Variants in MLPH observed in about 807,000 individuals in gnomAD.
MLPH encodes the protein melanophilin.
Under a neutral mutation model 72.1 loss-of-function variants are expected in MLPH, and 51 were observed. The observed-to-expected ratio is 0.71, with a 90% CI of 0.56 to 0.89. The LOEUF is 0.89. Ranked by LOEUF, MLPH falls within the 40% of genes least tolerant of loss-of-function variation. The pLI is 0.00. For synonymous variants in MLPH, 301 were observed against 310.1 expected, an observed-to-expected ratio of 0.97 and a Z score of 0.31; for missense variants, 743 against 759.9, an observed-to-expected ratio of 0.98 and a Z score of 0.26.
intron 14 of MLPH, among the ~76,000 whole-genome samples, chr2:237,551,399 C>T (rs1238788478): frequency 2.0e-5 from 3 of 152,254 alleles, no homozygotes; most frequent in Non-Finnish European, 4.4e-5. Context: ...AATGCTCCCA[C>T]CCTGGCTGAT....
At chr2:237,553,493 T>A in intron 15 of MLPH, 73 bp from the exon 16 acceptor site, 1 of 1,390,794 alleles carries the variant, frequency 7.2e-7, no homozygotes, top group Non-Finnish European at 1.0e-6. Flanking sequence ...TGTATGTGCA[T>A]GCCCATGTGT....
At position 237,510,702 on chromosome 2, in the gene MLPH, A is replaced by G. The variant is rs767002571; in HGVS notation, c.239A>G (p.Gln80Arg). The G allele has an allele frequency of 5.0e-6, 8 of 1,613,748 alleles. No individual in the cohort carries two copies. The Admixed American group carries it at 1.3e-4, about 27-fold the overall frequency. The change falls in exon 3 of 16, where the codon CAG (glutamine) becomes CGG (arginine). Residue 80 changes from glutamine to arginine, a missense_variant. Physicochemically the swap from Gln to Arg is conservative, Grantham distance 43. Coordinates refer to ENST00000264605, the MANE Select transcript of MLPH (RefSeq NM_024101.7). The surrounding 1 kb of genome is among the most constrained non-coding windows in gnomAD (Gnocchi z 4.4). ...CAGCTGCTTGTGAATAGCAAAAGGC[A>G]GTGCCTGGAATGTGGCCTCTTCACC... ...PYQLLVNSKR[Q>R]CLECGLFTCK...
chr2:237,519,033 C>A (rs114124169), intron 5 of MLPH, among the ~76,000 whole-genome samples: 3,242 of 152,238 alleles, frequency 0.021, 35 homozygotes, highest in African/African-American at 0.027. Context: ...AAGTGGACCC[C>A]TCAGGCTCTC....
chr2:237,506,060 A>G (rs2079763607), intron 2 of MLPH, among the ~76,000 whole-genome samples: 1 of 152,166 alleles, frequency 6.6e-6, no homozygotes, highest in Non-Finnish European at 1.5e-5. Context: ...GAGGGAGAGC[A>G]AACTTGACTT....
At chr2:237,519,154 G>A (rs1430739107) in intron 5 of MLPH, among the ~76,000 whole-genome samples, 1 of 151,952 alleles carries the variant, frequency 6.6e-6, no homozygotes, top group African/African-American at 2.4e-5. Context: ...TTTTGGGTGG[G>A]CGAGACAAAC....
At chr2:237,487,715 G>T (rs1324342205) in intron 1 of MLPH, among the ~76,000 whole-genome samples, 1 of 152,186 alleles carries the variant, frequency 6.6e-6, no homozygotes, top group Non-Finnish European at 1.5e-5. Flanking sequence ...TGGGCAAAAC[G>T]GTTGGTTTTA....
intron 9 of MLPH, among the ~76,000 whole-genome samples, chr2:237,537,981 T>G (rs1357505245): frequency 6.6e-6 from 1 of 151,986 alleles, no homozygotes; most frequent in Non-Finnish European, 1.5e-5. Context: ...GATGGATGAG[T>G]GAACGAGCAG....
At chr2:237,528,411 C>T (rs925985705) in intron 8 of MLPH, among the ~76,000 whole-genome samples, 83 of 151,254 alleles carry the variant, frequency 5.5e-4, no homozygotes, top group African/African-American at 1.9e-3. Context: ...AGTGTAATGG[C>T]GCAATCTCGG....
At chr2:237,551,728 A>G (rs2081044197) in intron 14 of MLPH, among the ~76,000 whole-genome samples, 1 of 152,218 alleles carries the variant, frequency 6.6e-6, no homozygotes. Flanking sequence ...CTATAATTCC[A>G]GCATTTCAGG....
At chr2:237,527,657 C>A in intron 8 of MLPH, 141 bp downstream of exon 8, 3 of 1,025,484 alleles carry the variant, frequency 2.9e-6, no homozygotes, top group Non-Finnish European at 4.3e-6. Flanking sequence ...AATGGAGATA[C>A]GTCATCACAA....
At position 237,545,432 on chromosome 2, in the gene MLPH, T is replaced by G. The variant is rs1231245491; in HGVS notation, c.1540-1174T>G. The G allele has an allele frequency of 8.6e-6, 11 of 1,280,868 alleles. No homozygotes were observed. In the East Asian group the frequency reaches 6.1e-4, roughly 71 times the overall value. 79.3% of individuals were successfully genotyped at this position (1,280,868 alleles called of 1,614,324 possible). ...TTTGTTGGGGTTCATTTTTGTTTAT[T>G]ATTTGTTGTTTCTACCCTAAAAAGG... On this transcript the variant is annotated intron_variant, in intron 12 of 15. Coordinates refer to ENST00000264605, the MANE Select transcript of MLPH (RefSeq NM_024101.7).
chr2:237,528,717 C>A (rs1175398719), intron 8 of MLPH, among the ~76,000 whole-genome samples: 2 of 152,046 alleles, frequency 1.3e-5, no homozygotes, highest in Non-Finnish European at 2.9e-5. Flanking sequence ...AACAACTTCA[C>A]CCCCCAAAAA....
intron 2 of MLPH, among the ~76,000 whole-genome samples, chr2:237,501,625 G>A (rs942518798): frequency 3.5e-5 from 5 of 142,604 alleles, no homozygotes; most frequent in African/African-American, 8.1e-5. Flanking sequence ...TCAAGAGTTC[G>A]AGGCCAGCCT....
intron 2 of MLPH, among the ~76,000 whole-genome samples, chr2:237,504,695 A>G (rs7569427): frequency 0.26 from 40,155 of 152,086 alleles, 9,597 homozygotes; most frequent in African/African-American, 0.63. Context: ...TGCCCGCCCT[A>G]TAACAGAGTG....
intron 9 of MLPH, among the ~76,000 whole-genome samples, chr2:237,538,035 C>G (rs56881028): frequency 0.23 from 35,369 of 152,170 alleles, 5,580 homozygotes; most frequent in African/African-American, 0.45. Flanking sequence ...TCCTGGCCAT[C>G]TTGCTAACTT....
chr2:237,516,945 G>A (rs112300587), intron 4 of MLPH, among the ~76,000 whole-genome samples: 14,200 of 109,458 alleles, frequency 0.13, 873 homozygotes, highest in Non-Finnish European at 0.17. Context: ...GGATGGATAG[G>A]TGGATAGGTG....
rs1460663131 is a variant in MLPH at position 237,554,942 on chromosome 2, T to C, written c.*1350T>C. On this transcript the variant is annotated 3_prime_UTR_variant, in exon 16 of 16. Transcript: ENST00000264605. ...AAAACGTGGGAGTTTTTCCATATAATTCCCAGCCTTACTTATAAATTCTAT... is the reference window on the plus strand; with the variant it reads ...AAAACGTGGGAGTTTTTCCATATAACTCCCAGCCTTACTTATAAATTCTAT... The C allele has an allele frequency of 1.3e-5, 2 of 152,198 alleles. No individual in the cohort carries two copies. The highest frequency in any genetic ancestry group is 3.8e-4 in the East Asian group (2 of 5,198). The allele number at this position is 152,198 out of a possible 1,614,324, so 9.4% of individuals were successfully genotyped here.
Position 237,505,735 on chromosome 2 carries a change from AG to A in MLPH, c.111-4838del, listed in dbSNP as rs1201108860. Among the ~76,000 whole-genome samples, 2 of 152,136 alleles carry A rather than the reference AG, an allele frequency of 1.3e-5. No individual in the cohort carries two copies. Among genetic ancestry groups the A allele is most frequent in the Non-Finnish European group, 2.9e-5 (2 of 68,014 alleles). ...CTTTCCTTCCTGTTCCCGTCCTAGA[AG>A]CGTTTTCCTTCCCTGGTATACGCCC... On this transcript the variant is annotated intron_variant, in intron 2 of 15. Coordinates refer to ENST00000264605, the MANE Select transcript of MLPH (RefSeq NM_024101.7). This position sits in a 1 kb window ranked among gnomAD's most constrained non-coding sequence, Gnocchi z 4.5.
intron 7 of MLPH, among the ~76,000 whole-genome samples, chr2:237,526,930 T>G (rs1161900558): frequency 2.6e-5 from 4 of 152,184 alleles, no homozygotes; most frequent in African/African-American, 9.6e-5. Context: ...AGTTTCCTCA[T>G]TGTACAAAAG....
Sources: allele counts gnomAD v4.1 joint callset (sites outside exome capture counted in the v4.1 genomes callset), GRCh38; gene constraint gnomAD v4.1.1; non-coding constraint Gnocchi (gnomAD v3.1); transcripts MANE v1.5; gene names NCBI Gene and HGNC (gene_info 2026-07-23, HGNC 2026-07-21).